FOXP1: variants seen among roughly 807,000 people sequenced by gnomAD.
FOXP1 encodes forkhead box P1.
Under a neutral mutation model 98.2 loss-of-function variants are expected in FOXP1, and 15 were observed. The observed-to-expected ratio is 0.15, with a 90% confidence interval of 0.10 to 0.24. FOXP1 has a LOEUF of 0.24. Ranked by LOEUF, FOXP1 falls within the 10% of genes least tolerant of loss-of-function variation. The pLI, the probability that FOXP1 is intolerant of heterozygous loss-of-function variation, is 1.00. For synonymous variants in FOXP1, 371 were observed against 314.5 expected, an observed-to-expected ratio of 1.18 and a Z score of -1.90; for missense variants, 633 against 848.5, an observed-to-expected ratio of 0.75 and a Z score of 3.15.
intron 7 of FOXP1, among the ~76,000 whole-genome samples, chr3:71,061,856 G>A (rs1392942971): frequency 6.6e-6 from 1 of 152,154 alleles, no homozygotes; most frequent in African/African-American, 2.4e-5. Flanking sequence ...TCAAATGTTA[G>A]TACAGACTGA....
At chr3:71,463,502 G>A (rs2088374383) in intron 3 of FOXP1, among the ~76,000 whole-genome samples, 1 of 152,020 alleles carries the variant, frequency 6.6e-6, no homozygotes, top group African/African-American at 2.4e-5. Flanking sequence ...CCACACTAAG[G>A]AGCTGTATGC....
At chr3:70,981,295 C>G (rs2038815498) in intron 14 of FOXP1, among the ~76,000 whole-genome samples, 1 of 148,174 alleles carries the variant, frequency 6.7e-6, no homozygotes, top group South Asian at 2.3e-4. Flanking sequence ...TTTCTGGAGG[C>G]TTTTGAACAT....
chr3:71,223,438 G>A (rs528598135), intron 5 of FOXP1, among the ~76,000 whole-genome samples: 1 of 152,228 alleles, frequency 6.6e-6, no homozygotes, highest in African/African-American at 2.4e-5. Flanking sequence ...GCTCATGCCT[G>A]TAATCCCAGC....
At chr3:71,213,485 G>A (rs2064663574) in intron 5 of FOXP1, among the ~76,000 whole-genome samples, 1 of 152,066 alleles carries the variant, frequency 6.6e-6, no homozygotes, top group Admixed American at 6.5e-5. Flanking sequence ...TCTTTTTTAA[G>A]GCACCCCTTC....
intron 14 of FOXP1, among the ~76,000 whole-genome samples, chr3:70,983,117 A>G (rs1250147538): frequency 6.6e-6 from 1 of 152,188 alleles, no homozygotes; most frequent in Non-Finnish European, 1.5e-5. Context: ...GGGCAGGACA[A>G]TGGGTGGCAG....
chr3:71,130,334 G>GA (rs2059488349), intron 6 of FOXP1, among the ~76,000 whole-genome samples: 2 of 152,042 alleles, frequency 1.3e-5, no homozygotes, highest in South Asian at 4.2e-4. Context: ...TCTCTAAAAA[G>GA]AAAAAAGCCT....
At chr3:71,311,653 T>A (rs535411579) in intron 4 of FOXP1, among the ~76,000 whole-genome samples, 4 of 152,236 alleles carry the variant, frequency 2.6e-5, no homozygotes, top group African/African-American at 9.6e-5. Context: ...TCAGTATAGC[T>A]GGAAAGACCT....
intron 5 of FOXP1, among the ~76,000 whole-genome samples, chr3:71,207,457 T>A (rs2064131684): frequency 6.6e-6 from 1 of 152,184 alleles, no homozygotes; most frequent in African/African-American, 2.4e-5. Flanking sequence ...TTCTGTTGCT[T>A]GCATTTCTCC....
intron 2 of FOXP1, among the ~76,000 whole-genome samples, chr3:71,537,763 G>A (rs2044423697): frequency 6.6e-6 from 1 of 152,194 alleles, no homozygotes; most frequent in Admixed American, 6.5e-5. Context: ...ACAGCACAGA[G>A]GTTGGCAAAC....
chr3:71,449,342 A>T (rs914649259), intron 3 of FOXP1, among the ~76,000 whole-genome samples: 4 of 152,196 alleles, frequency 2.6e-5, no homozygotes, highest in Non-Finnish European at 5.9e-5. Flanking sequence ...TTTCCACCCT[A>T]AACACCCTCT....
intron 7 of FOXP1, among the ~76,000 whole-genome samples, chr3:71,089,178 G>A (rs901739285): frequency 2.0e-5 from 3 of 152,134 alleles, no homozygotes; most frequent in African/African-American, 7.2e-5. Context: ...TGTCAGGGCC[G>A]GTCTCTGTGA....
intron 2 of FOXP1, among the ~76,000 whole-genome samples, chr3:71,504,419 G>A (rs2041654128): frequency 6.6e-6 from 1 of 152,164 alleles, no homozygotes; most frequent in Non-Finnish European, 1.5e-5. Context: ...AGCCAGCCAC[G>A]CTCATCTGAC....
chr3:71,431,923 C>G (rs528355273), intron 3 of FOXP1, among the ~76,000 whole-genome samples: 1 of 152,286 alleles, frequency 6.6e-6, no homozygotes, highest in East Asian at 1.9e-4. Flanking sequence ...TAAACACCAT[C>G]ATATGTGCAA....
intron 5 of FOXP1, among the ~76,000 whole-genome samples, chr3:71,232,877 C>CCAAAAAAAAAAAAAAAAAAA (rs1553791711): frequency 3.2e-5 from 1 of 31,422 alleles, no homozygotes; most frequent in African/African-American, 1.1e-4. Flanking sequence ...AACTCTGTCT[C>CCAAAAAAAAAAAAAAAAAAA]AAAAAAAAAA....
At chr3:71,276,240 T>C (rs2070873991) in intron 5 of FOXP1, 1 of 152,244 alleles carries the variant, frequency 6.6e-6, no homozygotes, top group Non-Finnish European at 1.5e-5. Flanking sequence ...TCAGTAATGA[T>C]GTTTTCTGGA....
At chr3:71,021,063 C>T (rs774880343) in intron 11 of FOXP1, among the ~76,000 whole-genome samples, 6 of 152,210 alleles carry the variant, frequency 3.9e-5, no homozygotes, top group Non-Finnish European at 5.9e-5. Flanking sequence ...TTATAGTTTA[C>T]ATATCATACA....
chr3:71,425,744 A>C (rs953839748), intron 3 of FOXP1, among the ~76,000 whole-genome samples: 1 of 152,148 alleles, frequency 6.6e-6, no homozygotes, highest in Admixed American at 6.5e-5. Context: ...CACTTAAAAA[A>C]AAAAAAGAAC....
intron 2 of FOXP1, among the ~76,000 whole-genome samples, chr3:71,560,891 A>T (rs543074463): frequency 6.6e-6 from 1 of 152,254 alleles, no homozygotes; most frequent in Middle Eastern, 3.4e-3. Flanking sequence ...GGTTGCCTGG[A>T]GCTGAGGGAG....
intron 4 of FOXP1, among the ~76,000 whole-genome samples, chr3:71,318,699 G>A (rs2075222344): frequency 6.6e-6 from 1 of 152,138 alleles, no homozygotes; most frequent in African/African-American, 2.4e-5. Context: ...TGTTTTCTCT[G>A]TCATGTGTTG....
Sources: gnomAD v4.1 joint callset for allele counts (sites outside exome capture counted in the v4.1 genomes callset) on GRCh38, gnomAD v4.1.1 for gene constraint, MANE v1.5 for transcripts, NCBI Gene and HGNC (gene_info 2026-07-23, HGNC 2026-07-21) for gene names.